Variants in DZIP1 observed in about 807,000 individuals in gnomAD.
DZIP1 encodes the protein cilium assembly protein DZIP1.
Under a neutral mutation model 107.6 loss-of-function variants are expected in DZIP1, and 97 were observed. That is an observed-to-expected ratio of 0.90 (90% CI 0.77 to 1.07). The LOEUF is 1.07. Among genes scored for constraint, DZIP1 ranks in the 50% least tolerant of loss-of-function variants. The pLI, the probability that DZIP1 is intolerant of heterozygous loss-of-function variation, is 0.00. For synonymous variants in DZIP1, 390 were observed against 386.4 expected (o/e 1.01, Z -0.11); for missense variants, 1,035 against 1,063.6 (o/e 0.97, Z 0.37).
chr13:95,637,640 CT>C (rs1877972814), intron 5 of DZIP1, among the ~76,000 whole-genome samples: 6 of 105,214 alleles, frequency 5.7e-5, no homozygotes, highest in Non-Finnish European at 1.3e-4. Flanking sequence ...CTCTCTCTCT[CT>C]CTCTCCAAAC....
At position 95,641,802 on chromosome 13, in the gene DZIP1, G is replaced by T; in HGVS notation, c.90C>A (p.Asp30Glu). 1 of 1,497,416 alleles carries T rather than the reference G, an allele frequency of 6.7e-7. No individual in the cohort carries two copies. The highest frequency in any genetic ancestry group is 8.8e-7 in the Non-Finnish European group (1 of 1,132,276). The allele number at this position is 1,497,416 out of a possible 1,614,324, so 92.8% of individuals were successfully genotyped here. ...YPLASGPEGPDVAVAAAAAGA... is the reference protein window; with the variant it reads ...YPLASGPEGPEVAVAAAAAGA... ...CCGCGGCGGCGGCGGCCACAGCGACGTCGGGCCCCTCTGGGCCGCTGGCGA... is the reference window on the plus strand; with the variant it reads ...CCGCGGCGGCGGCGGCCACAGCGACTTCGGGCCCCTCTGGGCCGCTGGCGA... Residue 30 changes from aspartate (D) to glutamate (E), a missense_variant, in exon 5 of 23, where the codon GAC becomes GAA. Asp to Glu is a conservative substitution (Grantham distance 45). Transcript: ENST00000376829. The surrounding 1 kb of genome is among the most constrained non-coding windows in gnomAD (Gnocchi z 4.3).
At chr13:95,622,558 A>G (rs1345128341) in intron 8 of DZIP1, 78 bp from the exon 9 acceptor site, 2 of 1,559,858 alleles carry the variant, frequency 1.3e-6, no homozygotes, top group African/African-American at 2.7e-5. Context: ...CAGGGAGCAC[A>G]TAGCTGTGTT....
At chr13:95,619,084 A>G (rs1875496576) in intron 10 of DZIP1, among the ~76,000 whole-genome samples, 1 of 152,200 alleles carries the variant, frequency 6.6e-6, no homozygotes, top group Non-Finnish European at 1.5e-5. Context: ...TCTGTGATAC[A>G]AAAAAATCAG....
rs140490720 is a variant in DZIP1 at position 95,604,777 on chromosome 13, T to C, written c.1477+1226A>G. ...AAGTAAAAGAAACTAAAATACACTG[T>C]TGAAGTACAAAAGAGAAATGGCCAG... is the stretch of plus-strand genomic sequence containing the variant. On this transcript the variant is annotated intron_variant, in intron 14 of 22. Transcript: ENST00000376829. 2.0e-3 allele frequency among the ~76,000 whole-genome samples: 312 copies of C among 152,244 alleles called. 3 individuals carry two copies. Among genetic ancestry groups the C allele is most frequent in the African/African-American group, 7.2e-3 (300 of 41,548 alleles).
rs1475244833 is a variant in DZIP1, at chr13:95,624,830, C to T, written c.910G>A (p.Val304Ile). The T allele has an allele frequency of 6.2e-7, 1 of 1,611,734 alleles. No individual in the cohort carries two copies. Among genetic ancestry groups the T allele is most frequent in the Non-Finnish European group, 8.5e-7 (1 of 1,178,446 alleles). ...AATTCCTTCATAAACATCTCCTTGA[C>T]TTTTTCCATTTCATCAACTAGTTTC... The part of the protein sequence containing the change: ...KEKLVDEMEK[V>I]KEMFMKEFKE... The change falls in exon 8 of 23, where the codon GTC becomes ATC. Residue 304 changes from valine (V) to isoleucine (I), a missense_variant. Transcript: ENST00000376829.
rs1387620226 is a variant in DZIP1, at chr13:95,594,082, C to T, written c.1542G>A (p.Arg514=). 6.3e-7 allele frequency: 1 copy of T among 1,590,846 alleles called. No homozygotes were observed. The highest frequency in any genetic ancestry group is 1.4e-5 in the African/African-American group (1 of 73,616). The part of the protein sequence containing the change: ...IEELSEEEKG[R]ENEQKLNNNK... ...TGTTATTTAATTTCTGTTCATTTTC[C>T]CTTCCTGAAATAAGGTTTTAAAAAT... Residue 514 remains arginine, a synonymous_variant, in exon 16 of 23, where the codon AGG becomes AGA. Coordinates refer to ENST00000376829, the MANE Select transcript of DZIP1 (RefSeq NM_198968.4).
At chr13:95,589,019 A>T in intron 19 of DZIP1, 135 bp downstream of exon 19, 1 of 793,840 alleles carries the variant, frequency 1.3e-6, no homozygotes, top group Non-Finnish European at 2.1e-6. Context: ...ATAACATATC[A>T]CAAAGGAATG....
chr13:95,613,730 C>A (rs1874679237), intron 10 of DZIP1, among the ~76,000 whole-genome samples: 1 of 152,168 alleles, frequency 6.6e-6, no homozygotes, highest in East Asian at 1.9e-4. Context: ...ATCCACACCA[C>A]AATGTTATGG....
chr13:95,635,311 C>T (rs901209305), intron 5 of DZIP1, among the ~76,000 whole-genome samples: 7 of 151,728 alleles, frequency 4.6e-5, no homozygotes, highest in Non-Finnish European at 1.5e-5. Flanking sequence ...ATTCTCCTGC[C>T]ACAGCCTCCT....
rs764740782 is a variant in DZIP1, at chr13:95,641,726, G to C, written c.166C>G (p.Pro56Ala). 1 of 1,597,504 alleles carries C rather than the reference G, an allele frequency of 6.3e-7. No individual in the cohort carries two copies. The highest frequency in any genetic ancestry group is 1.3e-5 in the African/African-American group (1 of 74,854). Residue 56 changes from proline to alanine, a missense_variant, in exon 5 of 23, where the codon CCC becomes GCC. Pro to Ala is a conservative substitution (Grantham distance 27, BLOSUM62 -1). Coordinates refer to ENST00000376829, the MANE Select transcript of DZIP1 (RefSeq NM_198968.4). The surrounding 1 kb of genome is among the most constrained non-coding windows in gnomAD (Gnocchi z 4.3). ...APPSAASGPL[P>A]FFQFRPRLES... ...AGCCGCGGCCTGAACTGGAAGAAGG[G>C]CAGGGGCCCCGAAGCCGCGCTGGGG...
At chr13:95,635,002 T>G (rs1006781114) in intron 5 of DZIP1, among the ~76,000 whole-genome samples, 2 of 152,242 alleles carry the variant, frequency 1.3e-5, no homozygotes, top group South Asian at 4.1e-4. Context: ...CCACCTCTTT[T>G]TTTTCCTTGC....
chr13:95,619,221 A>AAGTTT (rs1875513886), intron 10 of DZIP1, among the ~76,000 whole-genome samples: 2 of 152,250 alleles, frequency 1.3e-5, no homozygotes, highest in African/African-American at 4.8e-5. Flanking sequence ...TCTATGATAT[A>AAGTTT]TAAAGTGAAA....
rs777466915 is a variant in DZIP1 at position 95,594,058 on chromosome 13, G to A, written c.1566C>T (p.Asn522=). 1.2e-5 allele frequency: 20 copies of A among 1,605,278 alleles called. No homozygotes were observed. The Admixed American group carries it at 2.7e-4, about 22-fold the overall frequency. The change falls in exon 16 of 23, where the codon AAC becomes AAT. Residue 522 remains asparagine (N), a synonymous_variant. Coordinates refer to ENST00000376829, the MANE Select transcript of DZIP1 (RefSeq NM_198968.4). The stretch of plus-strand genomic sequence containing the variant: ...AAGCTTTCCTTAAATGCATTTTGTT[G>A]TTATTTAATTTCTGTTCATTTTCCC... The part of the protein sequence containing the change: ...KGRENEQKLN[N]NKMHLRKALK...
chr13:95,602,587 C>T (rs1354876348), intron 14 of DZIP1, among the ~76,000 whole-genome samples: 12 of 152,218 alleles, frequency 7.9e-5, no homozygotes, highest in East Asian at 1.9e-4. Flanking sequence ...GGCGGAACAC[C>T]GCTGGAGAAA....
At chr13:95,582,749 A>G (rs538411032) in intron 22 of DZIP1, among the ~76,000 whole-genome samples, 1 of 152,356 alleles carries the variant, frequency 6.6e-6, no homozygotes, top group East Asian at 1.9e-4. Context: ...AGATAGGATT[A>G]ACAACGAAGT....
At chr13:95,629,829 C>T (rs563496244) in intron 7 of DZIP1, among the ~76,000 whole-genome samples, 160 bp downstream of exon 7, 1 of 152,244 alleles carries the variant, frequency 6.6e-6, no homozygotes, top group South Asian at 2.1e-4. Flanking sequence ...CAGTGATGTG[C>T]TTTGTAGTAA....
chr13:95,622,887 C>G (rs910736607), intron 8 of DZIP1, among the ~76,000 whole-genome samples: 1 of 151,876 alleles, frequency 6.6e-6, no homozygotes. Flanking sequence ...GGACTACAGG[C>G]GTGCACCACC....
intron 7 of DZIP1, among the ~76,000 whole-genome samples, chr13:95,629,769 T>TCCC (rs1368065804): frequency 5.7e-4 from 87 of 152,314 alleles, no homozygotes; most frequent in African/African-American, 2.0e-3. Context: ...GTTATATGAA[T>TCCC]TCCACCCCAA....
chr13:95,589,712 C>T (rs1254658626), intron 18 of DZIP1, 91 bp downstream of exon 18: 16 of 1,488,168 alleles, frequency 1.1e-5, no homozygotes, highest in South Asian at 9.6e-5. Context: ...AAATAAATTT[C>T]TGTGAAGCCA....
Sources: gnomAD v4.1 joint callset for allele counts (sites outside exome capture counted in the v4.1 genomes callset) on GRCh38, gnomAD v4.1.1 for gene constraint, Gnocchi (gnomAD v3.1) non-coding constraint, MANE v1.5 for transcripts, NCBI Gene and HGNC (gene_info 2026-07-23, HGNC 2026-07-21) for gene names.